The following POLR1B variants were observed in gnomAD, a reference collection of about 807,000 sequenced individuals.
POLR1B encodes DNA-directed RNA polymerase I subunit RPA2.
In POLR1B, 30 loss-of-function variants were observed where a neutral mutation model predicts 105.8. The observed-to-expected ratio is 0.28, with a 90% confidence interval of 0.21 to 0.38. The LOEUF (loss-of-function observed/expected upper bound fraction) is 0.38. Ranked by LOEUF, POLR1B falls within the 10% of genes least tolerant of loss-of-function variation. The pLI is 1.00. For missense variants in POLR1B, 976 were observed against 1,435.8 expected (o/e 0.68, Z 5.17); for synonymous variants, 485 against 505.1 (o/e 0.96, Z 0.53).
intron 13 of POLR1B, among the ~76,000 whole-genome samples, chr2:112,572,986 G>A (rs955769648): frequency 1.3e-5 from 2 of 152,250 alleles, no homozygotes; most frequent in Non-Finnish European, 2.9e-5. Context: ...TGCATATTAT[G>A]AGTAAATTTT....
rs978841046 is a variant in POLR1B at position 112,579,248 on chromosome 2, A to G, written c.*3519A>G. Among the ~76,000 whole-genome samples the G allele has an allele frequency of 4.0e-5, 6 of 148,230 alleles. No individual in the cohort carries two copies. The highest frequency in any genetic ancestry group is 1.5e-4 in the African/African-American group (6 of 40,760). ...AAAAAAAAAAAAAAAAAAGGAAAGC[A>G]AAATTGTAGATAAGGAGGACTACTA... On this transcript the variant is annotated 3_prime_UTR_variant, in exon 15 of 15. Coordinates refer to ENST00000263331, the MANE Select transcript of POLR1B (RefSeq NM_019014.6).
rs1684643500 is a variant in POLR1B at position 112,572,458 on chromosome 2, TC to T, written c.2075-103del. 3 of 811,592 alleles carry T rather than the reference TC, an allele frequency of 3.7e-6. No individual in the cohort carries two copies. The East Asian group carries it at 8.2e-5, about 22-fold the overall frequency. 50.3% of individuals were successfully genotyped at this position (811,592 alleles called of 1,614,324 possible). A position where few individuals can be genotyped will look rare whatever the true frequency, so the allele number is the denominator to read the frequency against. ...ATAACTACCATGACTATTTATTTGTTCATTTTCCTCTGATGGATATTTAGTT... is the reference window on the plus strand; with the variant it reads ...ATAACTACCATGACTATTTATTTGTTATTTTCCTCTGATGGATATTTAGTT... On this transcript the variant is annotated intron_variant, in intron 12 of 14. Transcript: ENST00000263331.
chr2:112,568,003 G>T lies in POLR1B; in HGVS notation c.1783G>T (p.Val595Leu). The change falls in exon 11 of 15, where the codon GTG (valine) becomes TTG (leucine). Residue 595 changes from valine (V) to leucine (L), a missense_variant. Val to Leu is a conservative substitution (Grantham distance 32, BLOSUM62 1). Around this residue, in one of 12 missense-constraint regions of POLR1B, gnomAD observed 184 missense variants for 197.4 expected, o/e 0.93. Coordinates refer to ENST00000263331, the MANE Select transcript of POLR1B (RefSeq NM_019014.6). Reference protein sequence around the residue: ...REKRIPPWMEVVLIPMTGKPS... With the variant: ...REKRIPPWMELVLIPMTGKPS... ...GAAAAGAATTCCTCCCTGGATGGAA[G>T]TGGTCCTTATACCCATGACAGGAAA... 6.2e-7 allele frequency: 1 copy of T among 1,614,148 alleles called. No individual in the cohort carries two copies. The highest frequency in any genetic ancestry group is 1.3e-5 in the African/African-American group (1 of 75,036).
At chr2:112,558,202 T>G (rs1683772820) in intron 8 of POLR1B, 121 bp downstream of exon 8, 2 of 705,476 alleles carry the variant, frequency 2.8e-6, no homozygotes, top group Non-Finnish European at 4.1e-6. Flanking sequence ...TTCTCATAAC[T>G]ATGACTTCGA....
intron 13 of POLR1B, 102 bp downstream of exon 13, chr2:112,572,860 G>A: frequency 9.8e-7 from 1 of 1,015,854 alleles, no homozygotes; most frequent in Non-Finnish European, 1.4e-6. Flanking sequence ...CAAGTACCTA[G>A]TATTTGGCAC....
At chr2:112,561,553 A>G (rs1373089323) in intron 9 of POLR1B, among the ~76,000 whole-genome samples, 1 of 152,024 alleles carries the variant, frequency 6.6e-6, no homozygotes, top group Non-Finnish European at 1.5e-5. Context: ...CATTGTGCCT[A>G]GGGGAAATAC....
intron 1 of POLR1B, among the ~76,000 whole-genome samples, chr2:112,543,318 G>T (rs1202395012): frequency 6.6e-6 from 1 of 152,202 alleles, no homozygotes; most frequent in Non-Finnish European, 1.5e-5. Flanking sequence ...AGGCAGTCCC[G>T]TGTACGAGAC....
chr2:112,549,434 G>C, intron 4 of POLR1B, 35 bp downstream of exon 4: 1 of 1,475,918 alleles, frequency 6.8e-7, no homozygotes, highest in Non-Finnish European at 9.0e-7. Flanking sequence ...ATTTTTTAAG[G>C]AAAATTTAAA....
At chr2:112,570,810 G>A (rs1230043771) in intron 12 of POLR1B, among the ~76,000 whole-genome samples, 8 of 138,874 alleles carry the variant, frequency 5.8e-5, no homozygotes, top group African/African-American at 1.6e-4. Context: ...ACAGGGTATC[G>A]CTCTGTCACC....
rs869087985 is a variant in POLR1B at position 112,546,544 on chromosome 2, C to CTTTTTTT, written c.178-439_178-433dup. On this transcript the variant is annotated intron_variant, in intron 1 of 14. Coordinates refer to ENST00000263331, the MANE Select transcript of POLR1B (RefSeq NM_019014.6). ...GAAGTTATGAGTAGACTGGAGGTAGCTTTTTTTTTTTTTTTTTTTTTTTTT... is the reference window on the plus strand; with the variant it reads ...GAAGTTATGAGTAGACTGGAGGTAGCTTTTTTTTTTTTTTTTTTTTTTTTTTTTTTTT... Among the ~76,000 whole-genome samples, 58 of 53,188 alleles carry CTTTTTTT rather than the reference C, an allele frequency of 1.1e-3. 10 individuals are homozygous for CTTTTTTT. Among genetic ancestry groups the CTTTTTTT allele is most frequent in the Admixed American group, 2.1e-3 (6 of 2,864 alleles). 34.9% of individuals were successfully genotyped at this position (53,188 alleles called of 152,430 possible).
chr2:112,572,991 A>G (rs889830262), intron 13 of POLR1B, among the ~76,000 whole-genome samples: 6 of 152,200 alleles, frequency 3.9e-5, no homozygotes, highest in Non-Finnish European at 7.3e-5. Flanking sequence ...ATTATGAGTA[A>G]ATTTTGAAGT....
At chr2:112,563,958 G>C (rs747349903) in intron 9 of POLR1B, among the ~76,000 whole-genome samples, 11 of 152,090 alleles carry the variant, frequency 7.2e-5, no homozygotes, top group South Asian at 2.1e-4. Flanking sequence ...CATCCATTCA[G>C]TCTGATTATG....
At chr2:112,569,626 C>T (rs1281556098) in intron 12 of POLR1B, among the ~76,000 whole-genome samples, 1 of 148,062 alleles carries the variant, frequency 6.8e-6, no homozygotes, top group Non-Finnish European at 1.5e-5. Context: ...GTGGTGTGAT[C>T]TCGGCTTACT....
At chr2:112,574,767 A>T in intron 14 of POLR1B, 80 bp from the exon 15 acceptor site, 1 of 1,153,262 alleles carries the variant, frequency 8.7e-7, no homozygotes, top group Non-Finnish European at 1.2e-6. Context: ...ATCCTTTATG[A>T]AGCACTAATT....
At chr2:112,563,676 T>C (rs1276402138) in intron 9 of POLR1B, among the ~76,000 whole-genome samples, 1 of 152,040 alleles carries the variant, frequency 6.6e-6, no homozygotes, top group Non-Finnish European at 1.5e-5. Context: ...GGCGAGAGGA[T>C]TGCTTGAGCC....
At position 112,551,917 on chromosome 2, in the gene POLR1B, A is replaced by C. The variant is rs558080638; in HGVS notation, c.905A>C (p.Asn302Thr). The change falls in exon 6 of 15, where the codon AAC (asparagine) becomes ACC (threonine). Residue 302 changes from asparagine (N) to threonine (T), a missense_variant. Around this residue, in one of 12 missense-constraint regions of POLR1B, gnomAD observed 452 missense variants for 616.5 expected, o/e 0.73. Transcript: ENST00000263331. ...EGCSTQKQVL[N>T]YLGECFRVKL... ...TGTTCGACACAAAAACAGGTCCTTAACTACCTAGGTGAATGCTTCAGAGTA... is the reference window on the plus strand; with the variant it reads ...TGTTCGACACAAAAACAGGTCCTTACCTACCTAGGTGAATGCTTCAGAGTA... The C allele has an allele frequency of 5.6e-6, 9 of 1,614,190 alleles. No individual in the cohort carries two copies. The African/African-American group carries it at 8.0e-5, about 14-fold the overall frequency.
At position 112,571,155 on chromosome 2, in the gene POLR1B, T is replaced by G. The variant is rs140406598; in HGVS notation, c.2075-1407T>G. Reference sequence around the variant, plus strand: ...TCATTCATTGTGGGCATGTTTTCCTTTATATTTTGAACATAGTTTTATATG... The same window carrying G: ...TCATTCATTGTGGGCATGTTTTCCTGTATATTTTGAACATAGTTTTATATG... On this transcript the variant is annotated intron_variant, in intron 12 of 14. Transcript: ENST00000263331. 2.5e-3 allele frequency among the ~76,000 whole-genome samples: 385 copies of G among 152,306 alleles called. 1 individual carries two copies. The highest frequency in any genetic ancestry group is 8.9e-3 in the African/African-American group (370 of 41,568).
At chr2:112,546,370 A>G (rs993047618) in intron 1 of POLR1B, among the ~76,000 whole-genome samples, 5 of 152,132 alleles carry the variant, frequency 3.3e-5, no homozygotes, top group Admixed American at 1.3e-4. Context: ...CACATAGACA[A>G]GTTAAGAATA....
Position 112,575,513 on chromosome 2 carries a change from G to A in POLR1B, c.3192G>A (p.Arg1064=). Residue 1064 remains arginine (R), a synonymous_variant, in exon 15 of 15, where the codon CGG becomes CGA. Coordinates refer to ENST00000263331, the MANE Select transcript of POLR1B (RefSeq NM_019014.6). This position sits in a 1 kb window ranked among gnomAD's most constrained non-coding sequence, Gnocchi z 5.3. ...LHDRLFNCSD[R]SVAHVCVKCG... is the part of the protein sequence containing the mutation. ...ACCGCCTCTTCAACTGCTCAGATCG[G>A]TCGGTAGCCCATGTGTGTGTGAAGT... is the stretch of plus-strand genomic sequence containing the variant. The A allele has an allele frequency of 6.2e-7, 1 of 1,614,104 alleles. No individual in the cohort carries two copies.
Sources: allele counts gnomAD v4.1 joint callset (sites outside exome capture counted in the v4.1 genomes callset), GRCh38; gene constraint gnomAD v4.1.1; regional missense constraint gnomAD v4.1.1; non-coding constraint Gnocchi (gnomAD v3.1); transcripts MANE v1.5; gene names NCBI Gene and HGNC (gene_info 2026-07-23, HGNC 2026-07-21).